The following KIAA0513 variants were observed in gnomAD, a reference collection of about 807,000 sequenced individuals.
KIAA0513 encodes the protein KIAA0513.
In KIAA0513, 39 loss-of-function variants were observed where a neutral mutation model predicts 56.5. The observed-to-expected ratio is 0.69, with a 90% confidence interval of 0.53 to 0.90. The LOEUF is 0.90. KIAA0513 is among the 40% of genes least tolerant of loss of function. The pLI, the probability that KIAA0513 is intolerant of heterozygous loss-of-function variation, is 0.00. For synonymous variants in KIAA0513, 268 were observed against 215.6 expected (o/e 1.24, Z -2.13); for missense variants, 591 against 535.2 (o/e 1.10, Z -1.03).
At position 85,078,396 on chromosome 16, in the gene KIAA0513, T is replaced by A. The variant is rs2291967; in HGVS notation, c.783-19T>A. 2 of 1,613,180 alleles carry A rather than the reference T, an allele frequency of 1.2e-6. No homozygotes were observed. Among genetic ancestry groups the A allele is most frequent in the Non-Finnish European group, 1.7e-6 (2 of 1,179,480 alleles). On this transcript the variant is annotated intron_variant, in intron 6 of 12. Coordinates refer to ENST00000683363, the MANE Select transcript of KIAA0513 (RefSeq NM_001388359.1). ...TGGTGTGAGTCGCGTGTGTCATCAT[T>A]GTGCCTTCTCTCCCTCAGGGAAGAC... is the stretch of plus-strand genomic sequence containing the variant.
Position 85,067,088 on chromosome 16 carries a change from T to TC in KIAA0513, c.21dup (p.Val8ArgfsTer10), listed in dbSNP as rs759372700. 1 of 1,585,786 alleles carries TC rather than the reference T, an allele frequency of 6.3e-7. No homozygotes were observed. The highest frequency in any genetic ancestry group is 8.6e-7 in the Non-Finnish European group (1 of 1,163,964). On this transcript the variant is annotated frameshift_variant, in exon 2 of 13. Transcript: ENST00000683363. ...CCCTGAGCCATGGAGACCCCAGAGG[T>TC]CCCCGTGGGCTCGCTAATCGACTTT...
intron 1 of KIAA0513, among the ~76,000 whole-genome samples, chr16:85,047,420 G>T (rs960652452): frequency 3.9e-5 from 6 of 152,190 alleles, no homozygotes; most frequent in Non-Finnish European, 7.3e-5. Context: ...CAGCCAGGAG[G>T]CAGGGCTTCA....
chr16:85,082,024 C>G (rs966348947), intron 9 of KIAA0513, among the ~76,000 whole-genome samples: 1 of 152,230 alleles, frequency 6.6e-6, no homozygotes, highest in Non-Finnish European at 1.5e-5. Flanking sequence ...TGACTGAAGT[C>G]TGAACCTCTC....
At chr16:85,062,219 C>T (rs559576051) in intron 1 of KIAA0513, among the ~76,000 whole-genome samples, 1 of 151,976 alleles carries the variant, frequency 6.6e-6, no homozygotes, top group East Asian at 1.9e-4. Flanking sequence ...TAAACACACA[C>T]ACACACACAC....
At chr16:85,083,233 G>C (rs1447783048) in intron 10 of KIAA0513, among the ~76,000 whole-genome samples, 2 of 152,214 alleles carry the variant, frequency 1.3e-5, no homozygotes, top group East Asian at 1.9e-4. Flanking sequence ...AGAGGGGTCT[G>C]ACTCTCTCTG....
rs1567520900 is a variant in KIAA0513 at position 85,038,726 on chromosome 16, ATAAT to A, written c.-173+10869_-173+10872del. On this transcript the variant is annotated intron_variant, in intron 1 of 12. Transcript: ENST00000683363. The stretch of plus-strand genomic sequence containing the variant: ...CAGCCTCAAAAAAAAAAAAAAAATA[ATAAT>A]AATAATATCTTTGTTGATAGATTCT... Among the ~76,000 whole-genome samples, 130 of 109,984 alleles carry A rather than the reference ATAAT, an allele frequency of 1.2e-3. 11 individuals are homozygous for A. Among genetic ancestry groups the A allele is most frequent in the African/African-American group, 5.0e-3 (122 of 24,476 alleles). The allele number at this position is 109,984 out of a possible 152,430, so 72.2% of individuals were successfully genotyped here.
chr16:85,053,004 C>T (rs1271059492), intron 1 of KIAA0513, among the ~76,000 whole-genome samples: 1 of 152,172 alleles, frequency 6.6e-6, no homozygotes. Flanking sequence ...TCTCTTGCCT[C>T]AGCCTCCCAA....
intron 1 of KIAA0513, among the ~76,000 whole-genome samples, chr16:85,060,257 G>T (rs916803179): frequency 1.3e-5 from 2 of 152,176 alleles, no homozygotes; most frequent in African/African-American, 2.4e-5. Flanking sequence ...CACTGTGCCC[G>T]GCTTTCTTAG....
chr16:85,051,210 G>T (rs1042586847), intron 1 of KIAA0513, among the ~76,000 whole-genome samples: 1 of 152,132 alleles, frequency 6.6e-6, no homozygotes, highest in Non-Finnish European at 1.5e-5. Context: ...GGTCGTCTTC[G>T]TGGAGAACTT....
chr16:85,059,615 G>A (rs1248794639), intron 1 of KIAA0513, among the ~76,000 whole-genome samples: 3 of 152,246 alleles, frequency 2.0e-5, no homozygotes, highest in African/African-American at 7.2e-5. Context: ...AACTGGGAGT[G>A]AAAGCAATAA....
chr16:85,030,003 G>A (rs1239651292), intron 1 of KIAA0513, among the ~76,000 whole-genome samples: 2 of 152,118 alleles, frequency 1.3e-5, no homozygotes, highest in Non-Finnish European at 2.9e-5. Flanking sequence ...AGCCCTTACC[G>A]CTCTGTGGAA....
chr16:85,052,064 G>A (rs1374860725), intron 1 of KIAA0513, among the ~76,000 whole-genome samples: 6 of 151,948 alleles, frequency 3.9e-5, no homozygotes, highest in Admixed American at 1.3e-4. Context: ...GCTCACGCCT[G>A]TAATCCCAGC....
At chr16:85,050,568 G>A (rs1443342128) in intron 1 of KIAA0513, among the ~76,000 whole-genome samples, 2 of 152,016 alleles carry the variant, frequency 1.3e-5, no homozygotes, top group African/African-American at 4.8e-5. Context: ...CCCCTGCCTC[G>A]GCTTCCCAAA....
chr16:85,067,488 G>A, intron 2 of KIAA0513, 88 bp downstream of exon 2: 1 of 1,081,288 alleles, frequency 9.2e-7, no homozygotes, highest in East Asian at 2.5e-5. Context: ...CCTCTCCCCA[G>A]GGTGCCACCT....
chr16:85,028,081 G>A (rs2072913292), intron 1 of KIAA0513, among the ~76,000 whole-genome samples: 1 of 152,164 alleles, frequency 6.6e-6, no homozygotes, highest in Non-Finnish European at 1.5e-5. Context: ...CTCGCCTGCT[G>A]GGAGGCAAAG....
Position 85,071,741 on chromosome 16 carries a change from G to A in KIAA0513, c.330-42G>A, listed in dbSNP as rs759716431. ...CCTGTTGCTCCAGGGGATTGAAAAGGGTTTTTTTTTTTTTTCCTCTGCTCT... is the reference window on the plus strand; with the variant it reads ...CCTGTTGCTCCAGGGGATTGAAAAGAGTTTTTTTTTTTTTTCCTCTGCTCT... On this transcript the variant is annotated intron_variant, in intron 2 of 12. Coordinates refer to ENST00000683363, the MANE Select transcript of KIAA0513 (RefSeq NM_001388359.1). 3.6e-6 allele frequency: 5 copies of A among 1,374,336 alleles called. No individual in the cohort carries two copies. The African/African-American group carries it at 6.5e-5, about 18-fold the overall frequency. 85.1% of individuals were successfully genotyped at this position (1,374,336 alleles called of 1,614,324 possible).
chr16:85,067,870 G>A (rs1336245567), intron 2 of KIAA0513, among the ~76,000 whole-genome samples: 1 of 151,900 alleles, frequency 6.6e-6, no homozygotes, highest in Non-Finnish European at 1.5e-5. Flanking sequence ...GAGTGCAGTG[G>A]TGCGATCTCA....
chr16:85,084,571 A>C (rs1186404786), intron 10 of KIAA0513, among the ~76,000 whole-genome samples: 6 of 151,962 alleles, frequency 3.9e-5, no homozygotes, highest in African/African-American at 1.5e-4. Context: ...CTGGGATTAG[A>C]GGCACCCACC....
intron 1 of KIAA0513, among the ~76,000 whole-genome samples, chr16:85,037,575 T>C (rs1208492477): frequency 6.6e-6 from 1 of 152,106 alleles, no homozygotes; most frequent in East Asian, 1.9e-4. Flanking sequence ...TTGCAGTGGT[T>C]AGAAGGAAAT....
Sources: gnomAD v4.1 joint callset for allele counts (sites outside exome capture counted in the v4.1 genomes callset) on GRCh38, gnomAD v4.1.1 for gene constraint, MANE v1.5 for transcripts, NCBI Gene and HGNC (gene_info 2026-07-23, HGNC 2026-07-21) for gene names.